PUDP: variants seen among roughly 807,000 people sequenced by gnomAD.
PUDP encodes pseudouridine 5'-phosphatase.
A neutral mutation model predicts 9.4 loss-of-function variants in PUDP; 8 were observed. The observed-to-expected ratio is 0.85, with a 90% CI of 0.50 to 1.53. PUDP has a LOEUF of 1.53. PUDP is among the 40% of genes most tolerant of loss of function. The probability of loss-of-function intolerance (pLI) is 0.00; values close to 1 mark genes in which losing one functional copy is unlikely to be tolerated. For synonymous variants in PUDP, 99 were observed against 80.7 expected (o/e 1.23, Z -1.22); for missense variants, 188 against 189.7 (o/e 0.99, Z 0.05).
At chrX:7,053,140 A>G (rs982530941) in intron 3 of PUDP, among the ~76,000 whole-genome samples, 1 of 111,627 alleles carries the variant, frequency 9.0e-6, no homozygotes, top group Non-Finnish European at 1.9e-5. Flanking sequence ...TGCAGGGTCC[A>G]CCTGTGAAAT....
chrX:7,058,722 G>C (rs1930316008), intron 3 of PUDP, among the ~76,000 whole-genome samples: 1 of 112,101 alleles, frequency 8.9e-6, no homozygotes, highest in South Asian at 3.7e-4. Context: ...AAGTACTGCT[G>C]TCAAAATGAC....
chrX:6,824,648 T>A (rs62590408), intron 3 of PUDP, among the ~76,000 whole-genome samples: 6,473 of 111,344 alleles, frequency 0.058, 160 homozygotes, highest in South Asian at 0.078. Context: ...AGCTGGTATA[T>A]CAGCTTCTGT....
At chrX:6,706,369 G>A (rs1003806762) in exon 2 of PUDP, 1 of 112,144 alleles carries the variant, frequency 8.9e-6, no homozygotes, top group Middle Eastern at 4.2e-3. Context: ...TCAGGAGGCT[G>A]AGGCAGGAAG....
chrX:6,841,764 T>C (rs968900151), intron 3 of PUDP, among the ~76,000 whole-genome samples: 9 of 111,915 alleles, frequency 8.0e-5, no homozygotes, highest in Non-Finnish European at 1.9e-5. Context: ...TCAAATTTCT[T>C]TCTTTGTTTT....
At chrX:6,983,220 C>T (rs897217302) in intron 1 of PUDP, among the ~76,000 whole-genome samples, 2 of 111,478 alleles carry the variant, frequency 1.8e-5, no homozygotes, top group African/African-American at 6.5e-5. Context: ...TTTATTATTA[C>T]TCGAATCAGT....
At chrX:6,778,253 C>A (rs909570067) in intron 3 of PUDP, among the ~76,000 whole-genome samples, 3 of 111,895 alleles carry the variant, frequency 2.7e-5, no homozygotes, top group Admixed American at 9.5e-5. Flanking sequence ...ACTTGCTAAG[C>A]GGGCAGTCCC....
At chrX:6,931,570 A>T (rs959926857) in intron 3 of PUDP, among the ~76,000 whole-genome samples, 27 of 112,178 alleles carry the variant, frequency 2.4e-4, no homozygotes, top group African/African-American at 8.8e-4. Flanking sequence ...GTAGCCAATA[A>T]AATAATTGCA....
chrX:6,889,761 TC>T (rs1927485711), intron 3 of PUDP, among the ~76,000 whole-genome samples: 1 of 111,930 alleles, frequency 8.9e-6, no homozygotes. Context: ...TCGGCTGTTT[TC>T]CCATCTTTGG....
At chrX:6,856,924 G>T (rs1030766223) in intron 3 of PUDP, among the ~76,000 whole-genome samples, 1 of 111,966 alleles carries the variant, frequency 8.9e-6, no homozygotes, top group Non-Finnish European at 1.9e-5. Context: ...GCATCCATAC[G>T]TATATTCAAA....
chrX:7,048,148 A>C (rs994315140), downstream of PUDP, among the ~76,000 whole-genome samples: 14 of 112,261 alleles, frequency 1.2e-4, no homozygotes, highest in Admixed American at 8.5e-4. Context: ...GTTTCATTTA[A>C]GTGAAATTAA....
At chrX:7,144,470 C>T (rs991564302) in intron 1 of PUDP, among the ~76,000 whole-genome samples, 22 of 112,009 alleles carry the variant, frequency 2.0e-4, no homozygotes, top group Non-Finnish European at 1.9e-4. Context: ...GGAATTTTGG[C>T]CACACAGTGG....
intron 2 of PUDP, among the ~76,000 whole-genome samples, chrX:7,089,952 C>T (rs1309427332): frequency 8.9e-5 from 10 of 111,803 alleles, no homozygotes; most frequent in African/African-American, 2.9e-4. Context: ...CAGGCATTGA[C>T]ACCTAACCCC....
intron 3 of PUDP, among the ~76,000 whole-genome samples, chrX:6,830,207 C>A (rs1223151418): frequency 9.1e-6 from 1 of 110,439 alleles, no homozygotes; most frequent in Non-Finnish European, 1.9e-5. Flanking sequence ...GAAAAAGCAA[C>A]ACGGATCTAG....
intron 3 of PUDP, among the ~76,000 whole-genome samples, chrX:6,800,927 A>G (rs1357173573): frequency 9.0e-6 from 1 of 111,329 alleles, no homozygotes; most frequent in Non-Finnish European, 1.9e-5. Flanking sequence ...TTCGCTGACT[A>G]CAAGAACTGC....
At chrX:7,028,677 G>C (rs1166148326) in intron 1 of PUDP, among the ~76,000 whole-genome samples, 2 of 111,973 alleles carry the variant, frequency 1.8e-5, no homozygotes, top group Admixed American at 9.5e-5. Flanking sequence ...CCAGCCACCA[G>C]ATGAAATGGG....
At chrX:6,722,001 C>G (rs1924678791), upstream of PUDP, among the ~76,000 whole-genome samples, 1 of 110,870 alleles carries the variant, frequency 9.0e-6, no homozygotes, top group Non-Finnish European at 1.9e-5. Flanking sequence ...TATAAAAAGA[C>G]ATTGACAATA....
At chrX:7,145,774 G>C (rs894719692) in intron 1 of PUDP, among the ~76,000 whole-genome samples, 2 of 111,026 alleles carry the variant, frequency 1.8e-5, no homozygotes, top group Admixed American at 1.9e-4. Flanking sequence ...GAAACTATTC[G>C]TTTTCAATTT....
chrX:6,867,857 G>A (rs1020860715), intron 3 of PUDP, among the ~76,000 whole-genome samples: 1 of 111,627 alleles, frequency 9.0e-6, no homozygotes, highest in Non-Finnish European at 1.9e-5. Context: ...ACCAGTATCT[G>A]GTGAGGAACT....
intron 3 of PUDP, among the ~76,000 whole-genome samples, chrX:6,928,207 C>T (rs750347389): frequency 9.0e-6 from 1 of 111,543 alleles, no homozygotes; most frequent in East Asian, 2.8e-4. Flanking sequence ...GCTGGGATTA[C>T]AGGTGTGAAT....
Sources: allele counts gnomAD v4.1 joint callset (sites outside exome capture counted in the v4.1 genomes callset), GRCh38; gene constraint gnomAD v4.1.1; transcripts MANE v1.5; gene names NCBI Gene and HGNC (gene_info 2026-07-23, HGNC 2026-07-21).